The following TSPAN18 variants were observed in gnomAD, a reference collection of about 807,000 sequenced individuals.
The protein encoded by TSPAN18 is tetraspanin-18.
In TSPAN18, 14 loss-of-function variants were observed where a neutral mutation model predicts 27.3. The observed-to-expected ratio is 0.51, with a 90% confidence interval of 0.34 to 0.80. The LOEUF is 0.80. Ranked by LOEUF, TSPAN18 falls within the 30% of genes least tolerant of loss-of-function variation. The pLI is 0.01. For missense variants in TSPAN18, 268 were observed against 323.9 expected, an observed-to-expected ratio of 0.83 and a Z score of 1.32; for synonymous variants, 143 against 136.5, an observed-to-expected ratio of 1.05 and a Z score of -0.33.
At chr11:44,836,784 A>G (rs978536697) in intron 2 of TSPAN18, among the ~76,000 whole-genome samples, 1 of 152,250 alleles carries the variant, frequency 6.6e-6, no homozygotes, top group Non-Finnish European at 1.5e-5. Flanking sequence ...CTTAAGAATG[A>G]GGCTAAATCC....
At chr11:44,849,225 G>A (rs1265060547) in intron 2 of TSPAN18, among the ~76,000 whole-genome samples, 2 of 152,148 alleles carry the variant, frequency 1.3e-5, no homozygotes, top group Non-Finnish European at 2.9e-5. Flanking sequence ...GTTGAGTCCC[G>A]TGCCAGGAGG....
At chr11:44,891,696 C>T (rs1223140579) in intron 3 of TSPAN18, among the ~76,000 whole-genome samples, 1 of 152,130 alleles carries the variant, frequency 6.6e-6, no homozygotes, top group South Asian at 2.1e-4. Flanking sequence ...TAGGGGGTTC[C>T]TGAGGGACTA....
intron 2 of TSPAN18, among the ~76,000 whole-genome samples, chr11:44,821,006 A>G (rs1184390121): frequency 6.6e-6 from 1 of 152,118 alleles, no homozygotes; most frequent in Non-Finnish European, 1.5e-5. Context: ...TTTTTAAATC[A>G]ATTACCCAGT....
chr11:44,928,591 T>C (rs1472056050), intron 9 of TSPAN18, among the ~76,000 whole-genome samples: 1 of 152,110 alleles, frequency 6.6e-6, no homozygotes. Context: ...ATGGAGACCA[T>C]CCTGGCCAAC....
chr11:44,930,797 C>A lies in TSPAN18; in HGVS notation c.*1619C>A. 2.1e-6 allele frequency: 1 copy of A among 472,380 alleles called. No individual in the cohort carries two copies. The highest frequency in any genetic ancestry group is 4.4e-6 in the Non-Finnish European group (1 of 228,258). 29.3% of individuals were successfully genotyped at this position (472,380 alleles called of 1,614,324 possible). On this transcript the variant is annotated 3_prime_UTR_variant, in exon 10 of 10. Transcript: ENST00000520358. ...CGTAAGTTTGATTAGTGATGTCTGCCACGGGCAGGGATGGAAGGAGCAGTG... is the reference window on the plus strand; with the variant it reads ...CGTAAGTTTGATTAGTGATGTCTGCAACGGGCAGGGATGGAAGGAGCAGTG...
rs78920913 is a variant in TSPAN18, at chr11:44,741,543, A to G, written c.-240+14256A>G. 3.5e-3 allele frequency among the ~76,000 whole-genome samples: 532 copies of G among 152,070 alleles called. 4 individuals are homozygous for G. The highest frequency in any genetic ancestry group is 0.012 in the African/African-American group (513 of 41,442). On this transcript the variant is annotated intron_variant, in intron 1 of 9. Transcript: ENST00000520358. Reference sequence around the variant, plus strand: ...AAATAATGATGATGATAATGTAGCTAAAGTTGTGTGTGTGAGTTCGTGCGT... The same window carrying G: ...AAATAATGATGATGATAATGTAGCTGAAGTTGTGTGTGTGAGTTCGTGCGT...
chr11:44,875,405 C>A (rs1858302298), intron 3 of TSPAN18, among the ~76,000 whole-genome samples: 1 of 152,190 alleles, frequency 6.6e-6, no homozygotes, highest in South Asian at 2.1e-4. Context: ...CAAGTCTGGG[C>A]CTTGGGGCTT....
intron 3 of TSPAN18, among the ~76,000 whole-genome samples, chr11:44,884,694 C>T (rs1004298972): frequency 6.6e-6 from 1 of 152,166 alleles, no homozygotes; most frequent in Non-Finnish European, 1.5e-5. Flanking sequence ...CCTCATTTGA[C>T]CCTCATGATG....
At chr11:44,881,099 G>A (rs949054182) in intron 3 of TSPAN18, among the ~76,000 whole-genome samples, 1 of 152,230 alleles carries the variant, frequency 6.6e-6, no homozygotes, top group South Asian at 2.1e-4. Context: ...TCTAGTGTGT[G>A]ACCTTGAACA....
At chr11:44,918,099 T>G in intron 6 of TSPAN18, 53 bp downstream of exon 6, 5 of 1,585,324 alleles carry the variant, frequency 3.2e-6, no homozygotes, top group Non-Finnish European at 4.3e-6. Context: ...AAGGGGTTGG[T>G]GGCCATTCAG....
At chr11:44,799,142 A>G (rs1458267148) in intron 2 of TSPAN18, among the ~76,000 whole-genome samples, 1 of 151,962 alleles carries the variant, frequency 6.6e-6, no homozygotes, top group African/African-American at 2.4e-5. Flanking sequence ...AGAGGACACA[A>G]TGGAACTCTT....
At chr11:44,752,070 A>G (rs1408017085) in intron 1 of TSPAN18, among the ~76,000 whole-genome samples, 1 of 152,198 alleles carries the variant, frequency 6.6e-6, no homozygotes, top group Non-Finnish European at 1.5e-5. Context: ...TTTTGGACTG[A>G]ACTCTAGCAC....
intron 2 of TSPAN18, among the ~76,000 whole-genome samples, chr11:44,824,755 T>C (rs981201235): frequency 2.6e-5 from 4 of 152,190 alleles, no homozygotes; most frequent in African/African-American, 9.7e-5. Context: ...GTTTTAATTG[T>C]GGCTGTTATT....
At chr11:44,730,424 G>C (rs1163269134) in intron 1 of TSPAN18, among the ~76,000 whole-genome samples, 2 of 152,078 alleles carry the variant, frequency 1.3e-5, no homozygotes, top group African/African-American at 4.8e-5. Context: ...TTCATGCTCA[G>C]CTGGGGTGCA....
In TSPAN18 at chr11:44,833,587, A is replaced by T. The variant is rs1857200879; in HGVS notation, c.-152-26741A>T. ...TCTGTGCTCGAAAAGGCTTATAAGGATGAATGACATAATTTTATCTCAAAA... is the reference window on the plus strand; with the variant it reads ...TCTGTGCTCGAAAAGGCTTATAAGGTTGAATGACATAATTTTATCTCAAAA... On this transcript the variant is annotated intron_variant, in intron 2 of 9. Transcript: ENST00000520358. 1.3e-5 allele frequency among the ~76,000 whole-genome samples: 2 copies of T among 152,178 alleles called. 1 individual carries two copies. The highest frequency in any genetic ancestry group is 4.1e-4 in the South Asian group (2 of 4,828).
intron 1 of TSPAN18, among the ~76,000 whole-genome samples, chr11:44,744,365 A>C (rs545709350): frequency 6.6e-6 from 1 of 152,360 alleles, no homozygotes; most frequent in Non-Finnish European, 1.5e-5. Context: ...TTAGCTGGAA[A>C]GAAGTGAAAC....
At chr11:44,788,266 A>G (rs527551829) in intron 2 of TSPAN18, among the ~76,000 whole-genome samples, 1 of 152,174 alleles carries the variant, frequency 6.6e-6, no homozygotes, top group African/African-American at 2.4e-5. Flanking sequence ...GCTCAATGGA[A>G]CTTTCTGTGT....
intron 8 of TSPAN18, among the ~76,000 whole-genome samples, chr11:44,921,216 G>C (rs1285784878): frequency 6.6e-6 from 1 of 152,210 alleles, no homozygotes; most frequent in Non-Finnish European, 1.5e-5. Context: ...CTGTGGACGT[G>C]GGGCAGAGAG....
rs563127061 is a variant in TSPAN18, at chr11:44,752,186, T to G, written c.-239-12240T>G. Among the ~76,000 whole-genome samples, 74 of 152,270 alleles carry G rather than the reference T, an allele frequency of 4.9e-4. 1 individual carries two copies. Among genetic ancestry groups the G allele is most frequent in the Admixed American group, 4.0e-3 (61 of 15,296 alleles). ...TTGTAAGATCTGACCTTCCAGGAAA[T>G]CAGGAGGAAGATGATAGCTAAATCT... is the stretch of plus-strand genomic sequence containing the variant. On this transcript the variant is annotated intron_variant, in intron 1 of 9. Transcript: ENST00000520358.
Sources: gnomAD v4.1 joint callset for allele counts (sites outside exome capture counted in the v4.1 genomes callset) on GRCh38, gnomAD v4.1.1 for gene constraint, MANE v1.5 for transcripts, NCBI Gene and HGNC (gene_info 2026-07-23, HGNC 2026-07-21) for gene names.